Variants in ITGB5 observed in about 807,000 individuals in gnomAD.
The protein encoded by ITGB5 is integrin beta-5.
ITGB5 carries 38 observed loss-of-function variants against 84.8 expected under a neutral mutation model. The ratio of observed to expected loss-of-function variants is 0.45; its 90% confidence interval spans 0.35 to 0.59. The LOEUF is 0.59. Among genes scored for constraint, ITGB5 ranks in the 20% least tolerant of loss-of-function variants. The pLI is 0.01. For missense variants in ITGB5, 905 were observed against 1,034.5 expected (o/e 0.87, Z 1.72); for synonymous variants, 393 against 414.4 (o/e 0.95, Z 0.63).
chr3:124,806,821 G>T, intron 9 of ITGB5, among the ~76,000 whole-genome samples: 1 of 149,544 alleles, frequency 6.7e-6, no homozygotes, highest in African/African-American at 2.5e-5. Flanking sequence ...CATCTGGATT[G>T]AGCAATCATT....
chr3:124,784,596 T>C (rs996299973), intron 10 of ITGB5, among the ~76,000 whole-genome samples: 1 of 152,238 alleles, frequency 6.6e-6, no homozygotes, highest in Non-Finnish European at 1.5e-5. Context: ...TCCTGTGTTC[T>C]TTAATGAATT....
Position 124,763,593 on chromosome 3 carries a change from C to T in ITGB5, c.*30G>A. The T allele has an allele frequency of 1.5e-6, 2 of 1,374,010 alleles. No individual in the cohort carries two copies. Among genetic ancestry groups the T allele is most frequent in the Non-Finnish European group, 2.1e-6 (2 of 961,548 alleles). 85.1% of individuals were successfully genotyped at this position (1,374,010 alleles called of 1,614,324 possible). A position where few individuals can be genotyped will look rare whatever the true frequency, so the allele number is the denominator to read the frequency against. On this transcript the variant is annotated 3_prime_UTR_variant, in exon 15 of 15. Coordinates refer to ENST00000296181, the MANE Select transcript of ITGB5 (RefSeq NM_002213.5). ...TTTCAGTCTGACCTTTTCATCAGAT[C>T]CCCGCTCCAGCCCCTCGGAGAAGGA...
intron 2 of ITGB5, among the ~76,000 whole-genome samples, chr3:124,871,733 G>A (rs1934059998): frequency 6.6e-6 from 1 of 152,074 alleles, no homozygotes; most frequent in African/African-American, 2.4e-5. Context: ...GGCTGAGGTA[G>A]GAGGACTGCT....
intron 3 of ITGB5, among the ~76,000 whole-genome samples, chr3:124,850,081 C>G (rs545220096): frequency 2.1e-4 from 32 of 152,210 alleles, no homozygotes; most frequent in African/African-American, 7.5e-4. Flanking sequence ...CTCAGAGCAA[C>G]CAGTCTTTCA....
chr3:124,886,943 G>A lies in ITGB5; in HGVS notation c.58C>T (p.Pro20Ser), dbSNP rs1934845205. The change falls in exon 1 of 15, where the codon CCC becomes TCC. Residue 20 changes from proline to serine, a missense_variant. Pro to Ser is a moderately conservative substitution (Grantham distance 74, BLOSUM62 -1). Coordinates refer to ENST00000296181, the MANE Select transcript of ITGB5 (RefSeq NM_002213.5). The part of the protein sequence containing the change: ...ACLLGLCALL[P>S]RLAGLNICTS... The stretch of plus-strand genomic sequence containing the variant: ...CGGCGCGGCTTACCTGCGAGCCGGG[G>A]CAGGAGCGCGCAGAGCCCCAGGAGG... 3.3e-6 allele frequency: 4 copies of A among 1,211,130 alleles called. No individual in the cohort carries two copies. The highest frequency in any genetic ancestry group is 4.1e-6 in the Non-Finnish European group (4 of 974,808). The allele number at this position is 1,211,130 out of a possible 1,614,324, so 75.0% of individuals were successfully genotyped here.
At chr3:124,777,223 G>A (rs1191053243) in intron 10 of ITGB5, among the ~76,000 whole-genome samples, 2 of 152,166 alleles carry the variant, frequency 1.3e-5, no homozygotes, top group African/African-American at 4.8e-5. Context: ...AGAGCTGCTG[G>A]CCATTCCTAA....
chr3:124,876,281 G>A (rs1334647108), intron 1 of ITGB5, among the ~76,000 whole-genome samples: 1 of 151,680 alleles, frequency 6.6e-6, no homozygotes, highest in Non-Finnish European at 1.5e-5. Flanking sequence ...ACAATTATTT[G>A]TCAACTACCT....
chr3:124,835,156 AACTCTCCC>A (rs2064915831), intron 5 of ITGB5, among the ~76,000 whole-genome samples: 1 of 152,066 alleles, frequency 6.6e-6, no homozygotes, highest in Non-Finnish European at 1.5e-5. Flanking sequence ...AAGAAACGCA[AACTCTCCC>A]ACGTGCCCTG....
upstream of ITGB5, among the ~76,000 whole-genome samples, chr3:124,892,197 A>G (rs555782754): frequency 1.3e-5 from 2 of 152,112 alleles, no homozygotes; most frequent in African/African-American, 2.4e-5. Flanking sequence ...ATGTGTAAAT[A>G]CTTTCAGTTT....
chr3:124,771,477 A>G (rs933262820), intron 11 of ITGB5, among the ~76,000 whole-genome samples: 39 of 152,132 alleles, frequency 2.6e-4, no homozygotes, highest in African/African-American at 9.2e-4. Context: ...GGCTGGGTGT[A>G]ATGGCTCACA....
chr3:124,796,846 T>C (rs941189504), intron 9 of ITGB5, 29 bp from the exon 10 acceptor site: 12 of 1,561,338 alleles, frequency 7.7e-6, no homozygotes, highest in African/African-American at 2.7e-5. Context: ...AGGGATATCA[T>C]GGCTGCGGCA....
At chr3:124,881,481 G>A (rs1005416537) in intron 1 of ITGB5, among the ~76,000 whole-genome samples, 3 of 152,146 alleles carry the variant, frequency 2.0e-5, no homozygotes, top group African/African-American at 7.2e-5. Flanking sequence ...AGGAGGAGGA[G>A]GAGATAGTTC....
intron 3 of ITGB5, among the ~76,000 whole-genome samples, chr3:124,854,050 T>C (rs960525006): frequency 6.6e-6 from 1 of 152,256 alleles, no homozygotes; most frequent in Admixed American, 6.5e-5. Flanking sequence ...GATTTTATGC[T>C]CTTTGTTAAT....
At position 124,848,158 on chromosome 3, in the gene ITGB5, G is replaced by A. The variant is rs192695067; in HGVS notation, c.611+151C>T. On this transcript the variant is annotated intron_variant, in intron 4 of 14. Coordinates refer to ENST00000296181, the MANE Select transcript of ITGB5 (RefSeq NM_002213.5). Reference sequence around the variant, plus strand: ...CTTCTTCACACGTCAGGAAAGGAGAGAATGTATGCTTATCATTAATCAAAT... The same window carrying A: ...CTTCTTCACACGTCAGGAAAGGAGAAAATGTATGCTTATCATTAATCAAAT... 192 of 829,878 alleles carry A rather than the reference G, an allele frequency of 2.3e-4. No individual in the cohort carries two copies. The African/African-American group carries it at 3.0e-3, about 13-fold the overall frequency. The allele number at this position is 829,878 out of a possible 1,614,324, so 51.4% of individuals were successfully genotyped here. A position where few individuals can be genotyped will look rare whatever the true frequency, so the allele number is the denominator to read the frequency against.
upstream of ITGB5, among the ~76,000 whole-genome samples, chr3:124,889,956 G>A (rs1001184360): frequency 6.6e-6 from 1 of 152,048 alleles, no homozygotes; most frequent in African/African-American, 2.4e-5. Context: ...AGGTTGCAGT[G>A]AGCCAAGATA....
chr3:124,858,911 G>A (rs749200404), intron 3 of ITGB5, among the ~76,000 whole-genome samples: 4 of 152,186 alleles, frequency 2.6e-5, no homozygotes, highest in East Asian at 1.9e-4. Context: ...AAAATGTTCC[G>A]GAAATAGATA....
At chr3:124,845,760 C>CACCCT (rs1223153363) in intron 4 of ITGB5, among the ~76,000 whole-genome samples, 2 of 152,154 alleles carry the variant, frequency 1.3e-5, no homozygotes, top group Non-Finnish European at 2.9e-5. Flanking sequence ...AGTGGGGACA[C>CACCCT]ACCCTATCTG....
intron 5 of ITGB5, among the ~76,000 whole-genome samples, chr3:124,839,784 A>C (rs2064987364): frequency 6.6e-6 from 1 of 152,238 alleles, no homozygotes; most frequent in Admixed American, 6.5e-5. Flanking sequence ...ATACATTCTA[A>C]CCATGTTTCC....
intron 10 of ITGB5, among the ~76,000 whole-genome samples, chr3:124,783,426 T>C (rs2064035075): frequency 6.6e-6 from 1 of 152,180 alleles, no homozygotes; most frequent in African/African-American, 2.4e-5. Flanking sequence ...GTTTGTTTGC[T>C]GGTCTGCCTC....
Sources: allele counts gnomAD v4.1 joint callset (sites outside exome capture counted in the v4.1 genomes callset), GRCh38; gene constraint gnomAD v4.1.1; transcripts MANE v1.5; gene names NCBI Gene and HGNC (gene_info 2026-07-23, HGNC 2026-07-21).